The following GRIK3 variants were observed in gnomAD, a reference collection of about 807,000 sequenced individuals.
GRIK3 encodes the protein glutamate receptor ionotropic, kainate 3.
A neutral mutation model predicts 102.5 loss-of-function variants in GRIK3; 29 were observed. The ratio of observed to expected loss-of-function variants is 0.28; its 90% CI spans 0.21 to 0.39. The LOEUF (loss-of-function observed/expected upper bound fraction) is 0.39. GRIK3 is among the 10% of genes least tolerant of loss of function. The probability of loss-of-function intolerance (pLI) is 1.00; values close to 1 mark genes in which losing one functional copy is unlikely to be tolerated. For synonymous variants in GRIK3, 511 were observed against 504.9 expected (o/e 1.01, Z -0.16); for missense variants, 908 against 1,252.4 (o/e 0.73, Z 4.15).
intron 1 of GRIK3, among the ~76,000 whole-genome samples, chr1:37,015,570 G>A (rs1258670702): frequency 1.3e-5 from 2 of 152,140 alleles, no homozygotes; most frequent in African/African-American, 4.8e-5. Context: ...TCCTGACAAT[G>A]TCCACAGGGG....
chr1:37,011,039 C>T (rs1237611589), intron 1 of GRIK3, among the ~76,000 whole-genome samples: 1 of 152,206 alleles, frequency 6.6e-6, no homozygotes, highest in East Asian at 1.9e-4. Flanking sequence ...CCACGCCCGG[C>T]CTACCTGTAC....
At chr1:36,813,955 G>A (rs1642592497) in intron 13 of GRIK3, among the ~76,000 whole-genome samples, 2 of 152,210 alleles carry the variant, frequency 1.3e-5, no homozygotes, top group Non-Finnish European at 2.9e-5. Context: ...ATAGGGACAG[G>A]AAGAAAGTGG....
At chr1:36,815,395 C>A (rs1642615719) in intron 13 of GRIK3, among the ~76,000 whole-genome samples, 1 of 152,222 alleles carries the variant, frequency 6.6e-6, no homozygotes, top group South Asian at 2.1e-4. Context: ...TTCCTTCTCT[C>A]TTCACTCAGG....
At chr1:36,827,120 C>T (rs1292440752) in intron 10 of GRIK3, among the ~76,000 whole-genome samples, 1 of 152,198 alleles carries the variant, frequency 6.6e-6, no homozygotes, top group East Asian at 1.9e-4. Context: ...TTCCATGAAG[C>T]CAGCTCTGCT....
rs1420101886 is a variant in GRIK3 at position 36,869,792 on chromosome 1, T to C, written c.742A>G (p.Met248Val). 47 of 1,612,422 alleles carry C rather than the reference T, an allele frequency of 2.9e-5. No individual in the cohort carries two copies. The highest frequency in any genetic ancestry group is 3.9e-5 in the Non-Finnish European group (46 of 1,178,548). ...AAQILKQAMA[M>V]GMMTEYYHFI... ...TGGTAGTACTCAGTCATCATGCCCA[T>C]GGCCATGGCCTGCAGAAAAGCAGAG... Residue 248 changes from methionine to valine, a missense_variant, in exon 5 of 16, where the codon ATG (methionine) becomes GTG (valine). Met to Val is a conservative substitution (Grantham distance 21). This residue lies in a region of GRIK3 where 585 missense variants were observed against 824.9 expected (regional missense o/e 0.71). Transcript: ENST00000373091.
chr1:36,832,885 G>A (rs777150422), intron 10 of GRIK3, among the ~76,000 whole-genome samples: 5 of 152,192 alleles, frequency 3.3e-5, no homozygotes, highest in Admixed American at 6.5e-5. Flanking sequence ...ACAGCCCAAC[G>A]GAGCGGAAGG....
chr1:36,997,254 G>A (rs1476921404), intron 1 of GRIK3, among the ~76,000 whole-genome samples: 3 of 152,194 alleles, frequency 2.0e-5, no homozygotes, highest in East Asian at 1.9e-4. Flanking sequence ...CACTTTGGGC[G>A]TGAGGCTGGC....
intron 2 of GRIK3, among the ~76,000 whole-genome samples, chr1:36,886,602 A>C (rs544920594): frequency 9.9e-5 from 15 of 152,214 alleles, no homozygotes; most frequent in Non-Finnish European, 2.1e-4. Context: ...TGTCTTAGGC[A>C]TGTCATCACA....
chr1:36,877,655 A>G (rs1640924671), intron 3 of GRIK3, among the ~76,000 whole-genome samples: 1 of 152,154 alleles, frequency 6.6e-6, no homozygotes, highest in Non-Finnish European at 1.5e-5. Flanking sequence ...TCCCCTAGCC[A>G]GGCTGTCCTC....
chr1:36,884,189 C>T (rs80194938), intron 2 of GRIK3, among the ~76,000 whole-genome samples: 2,942 of 152,254 alleles, frequency 0.019, 89 homozygotes, highest in African/African-American at 0.065. Flanking sequence ...GGAGCCAAGT[C>T]GGGGAAGCAC....
chr1:37,029,806 G>T (rs1264887068), intron 1 of GRIK3, among the ~76,000 whole-genome samples: 1 of 152,180 alleles, frequency 6.6e-6, no homozygotes, highest in Non-Finnish European at 1.5e-5. Context: ...GTTGGAGGCA[G>T]CTTGCATTTC....
Position 36,853,694 on chromosome 1 carries a change from A to G in GRIK3, c.1133T>C (p.Ile378Thr). ...EAQWEGLTGR[I>T]VFNKTSGLRT... ...CAAGCCACTAGTTTTGTTGAAAACA[A>G]TTCGTCCAGTTAATCCTTCCCATTG... The change falls in exon 8 of 16, where the codon ATT (isoleucine) becomes ACT (threonine). Residue 378 changes from isoleucine (I) to threonine (T), a missense_variant. Ile to Thr is a moderately conservative substitution (Grantham distance 89). Around this residue, in one of 3 missense-constraint regions of GRIK3, gnomAD observed 585 missense variants for 824.9 expected, o/e 0.71. Transcript: ENST00000373091. The G allele has an allele frequency of 6.2e-7, 1 of 1,613,624 alleles. No homozygotes were observed. The highest frequency in any genetic ancestry group is 1.7e-4 in the Middle Eastern group (1 of 6,060).
chr1:37,014,834 CTCTTTTCTTATCTTT>C (rs368574365), intron 1 of GRIK3, among the ~76,000 whole-genome samples: 11,061 of 147,474 alleles, frequency 0.075, 607 homozygotes, highest in South Asian at 0.21. Flanking sequence ...GCCATTTAGC[CTCTTTTCTTATCTTT>C]TCTTTTCTTT....
intron 9 of GRIK3, among the ~76,000 whole-genome samples, chr1:36,847,733 A>C (rs932784435): frequency 6.6e-6 from 1 of 152,230 alleles, no homozygotes; most frequent in African/African-American, 2.4e-5. Flanking sequence ...AGGGCGGATA[A>C]GCAATTTCTT....
chr1:36,817,929 A>G lies in GRIK3; in HGVS notation c.1874-652T>C, dbSNP rs577124094. ...TGCAGGAGGGGAAAAAAAAATCAAC[A>G]CTTTTTGAAGCTCTTTGCCGAAATA... On this transcript the variant is annotated intron_variant, in intron 12 of 15. Coordinates refer to ENST00000373091, the MANE Select transcript of GRIK3 (RefSeq NM_000831.4). Among the ~76,000 whole-genome samples, 238 of 152,260 alleles carry G rather than the reference A, an allele frequency of 1.6e-3. 1 individual carries two copies. Among genetic ancestry groups the G allele is most frequent in the Non-Finnish European group, 2.6e-3 (174 of 68,004 alleles).
intron 1 of GRIK3, among the ~76,000 whole-genome samples, chr1:36,920,473 G>C (rs1641455133): frequency 6.6e-6 from 1 of 152,038 alleles, no homozygotes; most frequent in African/African-American, 2.4e-5. Context: ...ACCATCCCGG[G>C]ACCCCCAGAA....
intron 1 of GRIK3, among the ~76,000 whole-genome samples, chr1:37,027,698 G>A (rs1321739970): frequency 6.6e-6 from 1 of 152,166 alleles, no homozygotes; most frequent in Non-Finnish European, 1.5e-5. Context: ...GGAAATGGAG[G>A]CCCTGCAAAG....
chr1:36,803,435 T>G, intron 15 of GRIK3, among the ~76,000 whole-genome samples: 1 of 152,022 alleles, frequency 6.6e-6, no homozygotes, highest in African/African-American at 2.4e-5. Flanking sequence ...TTTTTTATTA[T>G]TTATTATTAT....
chr1:37,022,231 C>T (rs1642722387), intron 1 of GRIK3, among the ~76,000 whole-genome samples: 1 of 152,226 alleles, frequency 6.6e-6, no homozygotes, highest in Admixed American at 6.5e-5. Flanking sequence ...CTATGATGGG[C>T]AGCAGAGCAA....
Sources: allele counts gnomAD v4.1 joint callset (sites outside exome capture counted in the v4.1 genomes callset), GRCh38; gene constraint gnomAD v4.1.1; regional missense constraint gnomAD v4.1.1; transcripts MANE v1.5; gene names NCBI Gene and HGNC (gene_info 2026-07-23, HGNC 2026-07-21).